The following POLK variants were observed in gnomAD, a reference collection of about 807,000 sequenced individuals.
POLK encodes the protein polymerase (DNA directed) kappa.
A neutral mutation model predicts 94.0 loss-of-function variants in POLK; 76 were observed. That is an observed-to-expected ratio of 0.81 (90% CI 0.67 to 0.98). The LOEUF is 0.98. POLK is among the 50% of genes least tolerant of loss of function. The probability of loss-of-function intolerance (pLI) is 0.00; values close to 1 mark genes in which losing one functional copy is unlikely to be tolerated. For synonymous variants in POLK, 349 were observed against 325.4 expected, an observed-to-expected ratio of 1.07 and a Z score of -0.78; for missense variants, 954 against 1,010.1, an observed-to-expected ratio of 0.94 and a Z score of 0.75.
At chr5:75,518,948 G>A (rs1230280182) in intron 1 of POLK, among the ~76,000 whole-genome samples, 1 of 152,144 alleles carries the variant, frequency 6.6e-6, no homozygotes, top group African/African-American at 2.4e-5. Flanking sequence ...TGGTTCAGGT[G>A]ATGCTCCTGC....
At chr5:75,594,949 A>G (rs1772986620) in intron 12 of POLK, among the ~76,000 whole-genome samples, 1 of 152,202 alleles carries the variant, frequency 6.6e-6, no homozygotes, top group Non-Finnish European at 1.5e-5. Context: ...AACTGAATAA[A>G]GTGTTAATTG....
intron 3 of POLK, 31 bp downstream of exon 3, chr5:75,552,622 G>A (rs1370917881): frequency 1.9e-6 from 3 of 1,570,706 alleles, no homozygotes; most frequent in Admixed American, 1.9e-5. Flanking sequence ...TAAAGTGGAA[G>A]CTGGTAGAAT....
chr5:75,578,535 A>G (rs1487278054), intron 6 of POLK, among the ~76,000 whole-genome samples: 2 of 152,226 alleles, frequency 1.3e-5, no homozygotes, highest in Non-Finnish European at 2.9e-5. Context: ...TGCTTTTAAC[A>G]TATTTACTTG....
intron 2 of POLK, among the ~76,000 whole-genome samples, chr5:75,551,680 A>G (rs772561526): frequency 8.5e-5 from 13 of 152,240 alleles, no homozygotes; most frequent in Non-Finnish European, 1.5e-4. Flanking sequence ...TCATGCTACT[A>G]TTGCTTAGAA....
intron 12 of POLK, among the ~76,000 whole-genome samples, chr5:75,594,405 T>C (rs568393611): frequency 6.6e-6 from 1 of 152,348 alleles, no homozygotes; most frequent in East Asian, 1.9e-4. Context: ...CCATTTGTCT[T>C]AGTTATTAGA....
chr5:75,580,932 G>A (rs970805960), intron 6 of POLK, among the ~76,000 whole-genome samples: 1 of 149,770 alleles, frequency 6.7e-6, no homozygotes, highest in East Asian at 2.0e-4. Context: ...AATTAATTTA[G>A]GTACGAACAT....
At chr5:75,576,885 G>C in exon 6 of POLK, 1 of 1,563,256 alleles carries the variant, frequency 6.4e-7, no homozygotes, top group Non-Finnish European at 8.6e-7. Flanking sequence ...AAATTGGCCT[G>C]AGGATAAAAG....
At chr5:75,597,406 T>C in intron 13 of POLK, 1 of 481,962 alleles carries the variant, frequency 2.1e-6, no homozygotes. Context: ...CAGAATGAAC[T>C]CAAAGGTTTA....
chr5:75,512,484 C>G (rs1407011368), intron 1 of POLK: 1 of 152,136 alleles, frequency 6.6e-6, no homozygotes, highest in African/African-American at 2.4e-5. Flanking sequence ...CCATGCCTGC[C>G]CCTCAAAGAT....
intron 5 of POLK, among the ~76,000 whole-genome samples, chr5:75,575,507 T>C (rs903073337): frequency 1.3e-5 from 2 of 152,208 alleles, no homozygotes; most frequent in Admixed American, 6.6e-5. Context: ...TCCAAAATAT[T>C]GGAGCTTTAA....
At chr5:75,568,759 C>T (rs1771421027) in intron 3 of POLK, 2 of 363,252 alleles carry the variant, frequency 5.5e-6, no homozygotes, top group South Asian at 2.1e-5. Flanking sequence ...GTTGTACCTT[C>T]CTGTTCAGCA....
intron 3 of POLK, among the ~76,000 whole-genome samples, chr5:75,553,730 A>G (rs2112667981): frequency 6.6e-6 from 1 of 152,314 alleles, no homozygotes; most frequent in East Asian, 1.9e-4. Context: ...CATTTTCAAC[A>G]TGAAAGTATT....
Position 75,565,568 on chromosome 5 carries a change from C to G in POLK, c.256-3772C>G, listed in dbSNP as rs563250004. Among the ~76,000 whole-genome samples, 3 of 152,002 alleles carry G rather than the reference C, an allele frequency of 2.0e-5. No individual in the cohort carries two copies. The South Asian group carries it at 6.2e-4, about 32-fold the overall frequency. On this transcript the variant is annotated intron_variant, in intron 3 of 14. Coordinates refer to ENST00000241436, the Ensembl canonical transcript of POLK. ...TGGTAACCTTTGAATGGCGTTTTTG[C>G]GTGGTTATCCTCTTTGTTGATGTTG...
intron 1 of POLK, among the ~76,000 whole-genome samples, chr5:75,525,326 A>C (rs1768783940): frequency 6.6e-6 from 1 of 152,198 alleles, no homozygotes; most frequent in Non-Finnish European, 1.5e-5. Context: ...AGGAAAATAT[A>C]AAAAATCAAA....
At chr5:75,576,848 T>C (rs786205684) in exon 6 of POLK, 1 of 1,565,908 alleles carries the variant, frequency 6.4e-7, no homozygotes, top group South Asian at 1.2e-5. Flanking sequence ...CCTACTTGAA[T>C]ATAACAAAGC....
At chr5:75,511,355 C>A (rs747700913), upstream of POLK, 24 of 1,542,318 alleles carry the variant, frequency 1.6e-5, no homozygotes, top group Non-Finnish European at 1.9e-5. Context: ...GGGACGAAGT[C>A]CGCCCGCCGC....
chr5:75,597,654 A>G, intron 13 of POLK, 93 bp from the exon 14 acceptor site: 1 of 654,382 alleles, frequency 1.5e-6, no homozygotes. Context: ...AGGAAGTTTA[A>G]TCAATAAGTT....
At chr5:75,581,387 G>A in exon 7 of POLK, 4 of 1,613,518 alleles carry the variant, frequency 2.5e-6, no homozygotes, top group South Asian at 1.1e-5. Flanking sequence ...CATCAGCCCA[G>A]GAAGTGGTAA....
In POLK at chr5:75,543,527, T is replaced by C. The variant is rs1322084197; in HGVS notation, c.-13-3483T>C. Among the ~76,000 whole-genome samples, 6 of 152,266 alleles carry C rather than the reference T, an allele frequency of 3.9e-5. No individual in the cohort carries two copies. In the South Asian group the frequency reaches 1.2e-3, roughly 32 times the overall value. ...CCCTCAATGGATACCAGGAAGGCCG[T>C]AAATGGAGCTGGTTGGAGGGGATGG... On this transcript the variant is annotated intron_variant, in intron 1 of 14. Coordinates refer to ENST00000241436, the Ensembl canonical transcript of POLK.
Sources: allele counts gnomAD v4.1 joint callset (sites outside exome capture counted in the v4.1 genomes callset), GRCh38; gene constraint gnomAD v4.1.1; transcripts MANE v1.5; gene names NCBI Gene and HGNC (gene_info 2026-07-23, HGNC 2026-07-21).